BBS9: variants seen among roughly 807,000 people sequenced by gnomAD.
BBS9 encodes protein PTHB1.
Under a neutral mutation model 117.7 loss-of-function variants are expected in BBS9, and 89 were observed. That is an observed-to-expected ratio of 0.76 (90% CI 0.64 to 0.90). BBS9 has a LOEUF of 0.90. Among genes scored for constraint, BBS9 ranks in the 40% least tolerant of loss-of-function variants. BBS9 has a pLI of 0.00. For synonymous variants in BBS9, 379 were observed against 370.9 expected (o/e 1.02, Z -0.25); for missense variants, 982 against 1,042.2 (o/e 0.94, Z 0.80).
intron 20 of BBS9, among the ~76,000 whole-genome samples, chr7:33,519,550 C>T (rs903177234): frequency 2.7e-5 from 4 of 150,736 alleles, no homozygotes; most frequent in Admixed American, 6.6e-5. Flanking sequence ...GTAAAAGTTT[C>T]GCCCAACCAA....
chr7:33,323,462 TTGAG>T (rs2128588264), intron 9 of BBS9, among the ~76,000 whole-genome samples: 1 of 152,268 alleles, frequency 6.6e-6, no homozygotes, highest in East Asian at 1.9e-4. Flanking sequence ...TCTGGTTGAA[TTGAG>T]TTTTTTTTAA....
chr7:33,596,795 C>T (rs1862890929), intron 21 of BBS9, among the ~76,000 whole-genome samples: 1 of 151,978 alleles, frequency 6.6e-6, no homozygotes, highest in Non-Finnish European at 1.5e-5. Context: ...ATTCTCTCTC[C>T]TCCCCTTTGC....
At chr7:33,187,621 G>A (rs1319279929) in intron 5 of BBS9, among the ~76,000 whole-genome samples, 1 of 152,166 alleles carries the variant, frequency 6.6e-6, no homozygotes, top group Admixed American at 6.5e-5. Flanking sequence ...AGACAGATAA[G>A]GAAAAGACAG....
intron 5 of BBS9, among the ~76,000 whole-genome samples, chr7:33,183,926 G>A (rs752249496): frequency 2.0e-4 from 30 of 152,132 alleles, no homozygotes; most frequent in Non-Finnish European, 3.4e-4. Flanking sequence ...CTAAGCCCAT[G>A]TTCAATCTTA....
In BBS9 at chr7:33,177,575, A is replaced by G; in HGVS notation, c.426A>G (p.Ser142=). 6.2e-7 allele frequency: 1 copy of G among 1,611,836 alleles called. No individual in the cohort carries two copies. ...CAGCCTGCAATATGACCTATGGATC[A>G]TTTGGTGGTGTAAAAGGTAATTTGC... ...QRTACNMTYG[S]FGGVKGRDLI... Residue 142 remains serine (S), a synonymous_variant, in exon 5 of 23, where the codon TCA becomes TCG. Coordinates refer to ENST00000242067, the MANE Select transcript of BBS9 (RefSeq NM_198428.3).
intron 20 of BBS9, among the ~76,000 whole-genome samples, chr7:33,524,757 G>A (rs1470388766): frequency 6.6e-6 from 1 of 152,034 alleles, no homozygotes; most frequent in African/African-American, 2.4e-5. Flanking sequence ...CTTCAGTTCT[G>A]CTCTGATTTT....
chr7:33,322,335 G>C (rs1337869183), intron 9 of BBS9, among the ~76,000 whole-genome samples: 2 of 142,842 alleles, frequency 1.4e-5, no homozygotes, highest in Non-Finnish European at 3.0e-5. Flanking sequence ...TAATTCAGCA[G>C]TGAAATCACT....
intron 5 of BBS9, among the ~76,000 whole-genome samples, chr7:33,255,647 C>T (rs1583908528): frequency 6.6e-6 from 1 of 152,178 alleles, no homozygotes; most frequent in South Asian, 2.1e-4. Flanking sequence ...AAAGACCTTG[C>T]AGCATTTATT....
intron 6 of BBS9, among the ~76,000 whole-genome samples, chr7:33,260,656 G>A (rs944993039): frequency 2.0e-5 from 3 of 152,240 alleles, no homozygotes; most frequent in Admixed American, 1.3e-4. Context: ...TACTGGAAAT[G>A]TAGTCAAATA....
chr7:33,316,056 G>A (rs1810437847), intron 9 of BBS9, among the ~76,000 whole-genome samples: 2 of 152,054 alleles, frequency 1.3e-5, no homozygotes, highest in South Asian at 2.1e-4. Flanking sequence ...CGTCTCTCAA[G>A]TTATAGAACA....
At chr7:33,279,220 C>G (rs1317253439) in intron 9 of BBS9, among the ~76,000 whole-genome samples, 2 of 152,004 alleles carry the variant, frequency 1.3e-5, no homozygotes, top group Admixed American at 1.3e-4. Context: ...CAACTATAGG[C>G]ATATGCCACC....
chr7:33,349,247 A>G (rs1221772262), intron 13 of BBS9, 77 bp downstream of exon 13: 2 of 998,168 alleles, frequency 2.0e-6, no homozygotes, highest in African/African-American at 1.6e-5. Context: ...TTTAATGGCT[A>G]TTATTTCATG....
intron 9 of BBS9, among the ~76,000 whole-genome samples, chr7:33,301,254 AT>A (rs1370492055): frequency 1.3e-5 from 2 of 152,046 alleles, no homozygotes; most frequent in Admixed American, 1.3e-4. Flanking sequence ...CACCTCAAGC[AT>A]TTATCCATTG....
At chr7:33,556,133 G>A (rs1158269381) in intron 21 of BBS9, among the ~76,000 whole-genome samples, 3 of 152,112 alleles carry the variant, frequency 2.0e-5, no homozygotes, top group Non-Finnish European at 4.4e-5. Flanking sequence ...CATTTCTTAT[G>A]GTTAATTCAT....
At chr7:33,478,303 A>C (rs1421541505) in intron 19 of BBS9, among the ~76,000 whole-genome samples, 1 of 152,172 alleles carries the variant, frequency 6.6e-6, no homozygotes, top group East Asian at 1.9e-4. Context: ...CCTGGGGCCC[A>C]TTCTTGGGCC....
chr7:33,316,640 A>G (rs1362831452), intron 9 of BBS9, among the ~76,000 whole-genome samples: 1 of 152,186 alleles, frequency 6.6e-6, no homozygotes, highest in African/African-American at 2.4e-5. Flanking sequence ...TTTCCCTGAT[A>G]ACTAATGATG....
chr7:33,382,598 A>G (rs989407139), intron 17 of BBS9, among the ~76,000 whole-genome samples: 4 of 152,218 alleles, frequency 2.6e-5, no homozygotes, highest in Admixed American at 6.5e-5. Flanking sequence ...ATATAAATTC[A>G]GGAAGACACA....
intron 21 of BBS9, among the ~76,000 whole-genome samples, chr7:33,635,017 C>T (rs904894061): frequency 2.0e-5 from 3 of 152,146 alleles, no homozygotes; most frequent in South Asian, 2.1e-4. Flanking sequence ...TGGCTCTCTT[C>T]GAAACCATCG....
chr7:33,353,861 A>G (rs1819140913), intron 15 of BBS9, among the ~76,000 whole-genome samples: 1 of 152,090 alleles, frequency 6.6e-6, no homozygotes, highest in Non-Finnish European at 1.5e-5. Context: ...AATAACACAA[A>G]GTATACTTGT....
Sources: allele counts gnomAD v4.1 joint callset (sites outside exome capture counted in the v4.1 genomes callset), GRCh38; gene constraint gnomAD v4.1.1; transcripts MANE v1.5; gene names NCBI Gene and HGNC (gene_info 2026-07-23, HGNC 2026-07-21).